The following CDH13 variants were observed in gnomAD, a reference collection of about 807,000 sequenced individuals.
CDH13 encodes cadherin 13.
In CDH13, 24 loss-of-function variants were observed where a neutral mutation model predicts 63.8. The observed-to-expected ratio is 0.38, with a 90% CI of 0.27 to 0.53. The LOEUF (loss-of-function observed/expected upper bound fraction) is 0.53. CDH13 is among the 20% of genes least tolerant of loss of function. The pLI, the probability that CDH13 is intolerant of heterozygous loss-of-function variation, is 0.85. For synonymous variants in CDH13, 503 were observed against 355.3 expected (o/e 1.42, Z -4.67); for missense variants, 1,049 against 903.1 (o/e 1.16, Z -2.07).
At chr16:83,129,873 T>A (rs2035975510) in intron 4 of CDH13, among the ~76,000 whole-genome samples, 1 of 152,218 alleles carries the variant, frequency 6.6e-6, no homozygotes, top group South Asian at 2.1e-4. Context: ...CTATATTATT[T>A]TTTGCATACT....
intron 2 of CDH13, among the ~76,000 whole-genome samples, chr16:83,006,977 G>A (rs981654679): frequency 1.5e-4 from 23 of 151,220 alleles, no homozygotes; most frequent in Non-Finnish European, 2.2e-4. Flanking sequence ...AGGCTGGAGT[G>A]CAATGGCATG....
At chr16:82,940,878 T>G (rs555844767) in intron 2 of CDH13, among the ~76,000 whole-genome samples, 1 of 152,304 alleles carries the variant, frequency 6.6e-6, no homozygotes, top group African/African-American at 2.4e-5. Context: ...TAGGGAAACA[T>G]TTATTCAGAT....
At chr16:82,747,442 G>A (rs906708991) in intron 1 of CDH13, among the ~76,000 whole-genome samples, 3 of 142,476 alleles carry the variant, frequency 2.1e-5, no homozygotes, top group Admixed American at 7.5e-5. Context: ...ATTATTTCAC[G>A]TATTGGCAGA....
intron 10 of CDH13, among the ~76,000 whole-genome samples, chr16:83,716,145 T>A (rs1199403066): frequency 6.6e-6 from 1 of 152,120 alleles, no homozygotes; most frequent in African/African-American, 2.4e-5. Flanking sequence ...CACAGCAAAA[T>A]TGAGCAGAAG....
chr16:83,277,475 G>C (rs1331045925), intron 5 of CDH13, among the ~76,000 whole-genome samples: 1 of 152,110 alleles, frequency 6.6e-6, no homozygotes, highest in African/African-American at 2.4e-5. Context: ...TCCTACAAAG[G>C]CTTTAAAAGG....
At chr16:83,206,109 A>C (rs986116792) in intron 4 of CDH13, among the ~76,000 whole-genome samples, 1 of 152,140 alleles carries the variant, frequency 6.6e-6, no homozygotes, top group African/African-American at 2.4e-5. Context: ...TACATGGCCT[A>C]TGGGTCCTAT....
At chr16:83,412,834 C>G (rs1383824391) in intron 6 of CDH13, among the ~76,000 whole-genome samples, 2 of 152,212 alleles carry the variant, frequency 1.3e-5, no homozygotes, top group African/African-American at 4.8e-5. Context: ...AGGGCAAGAA[C>G]TGCAGCTTTG....
intron 2 of CDH13, among the ~76,000 whole-genome samples, chr16:82,924,714 T>C (rs1567666022): frequency 6.6e-6 from 1 of 152,182 alleles, no homozygotes; most frequent in Non-Finnish European, 1.5e-5. Flanking sequence ...GCACCACCTC[T>C]TCTAGGTCAC....
chr16:83,779,034 G>T (rs1373109314), intron 11 of CDH13, among the ~76,000 whole-genome samples: 4 of 152,216 alleles, frequency 2.6e-5, no homozygotes, highest in Non-Finnish European at 5.9e-5. Flanking sequence ...ATAGATTTCA[G>T]TGTGTGAGAA....
intron 5 of CDH13, among the ~76,000 whole-genome samples, chr16:83,326,339 A>C (rs187134269): frequency 5.0e-4 from 76 of 152,124 alleles, no homozygotes; most frequent in African/African-American, 1.7e-3. Flanking sequence ...ATATTCTTTA[A>C]GGGGTAGCAT....
chr16:83,194,180 T>C (rs2038807399), intron 4 of CDH13, among the ~76,000 whole-genome samples: 1 of 152,230 alleles, frequency 6.6e-6, no homozygotes, highest in African/African-American at 2.4e-5. Flanking sequence ...CCTTGGGCTT[T>C]CCTTTCTTCT....
At chr16:83,236,438 C>T (rs1346925135) in intron 5 of CDH13, among the ~76,000 whole-genome samples, 1 of 152,106 alleles carries the variant, frequency 6.6e-6, no homozygotes, top group East Asian at 1.9e-4. Context: ...TAATAACATC[C>T]TATAAGAAAA....
chr16:82,992,709 A>G (rs11150530), intron 2 of CDH13, among the ~76,000 whole-genome samples: 2 of 152,092 alleles, frequency 1.3e-5, no homozygotes, highest in African/African-American at 2.4e-5. Context: ...ATACAAAAAA[A>G]AGTTACTATG....
chr16:83,462,081 A>G (rs2073196386), intron 6 of CDH13, among the ~76,000 whole-genome samples: 2 of 152,218 alleles, frequency 1.3e-5, no homozygotes, highest in Admixed American at 6.5e-5. Flanking sequence ...AAACTTGGAA[A>G]TCGTTTTAAC....
At chr16:83,250,798 G>C (rs1266723930) in intron 5 of CDH13, among the ~76,000 whole-genome samples, 1 of 152,198 alleles carries the variant, frequency 6.6e-6, no homozygotes, top group Non-Finnish European at 1.5e-5. Flanking sequence ...GCAGGATACA[G>C]ACTTTCCCAT....
intron 5 of CDH13, among the ~76,000 whole-genome samples, chr16:83,220,471 C>A (rs1338638149): frequency 6.6e-6 from 1 of 152,148 alleles, no homozygotes; most frequent in Non-Finnish European, 1.5e-5. Context: ...GTCTCCAAAT[C>A]CTCACATTTT....
intron 1 of CDH13, among the ~76,000 whole-genome samples, chr16:82,768,744 C>G (rs889796024): frequency 2.6e-5 from 4 of 152,226 alleles, no homozygotes; most frequent in African/African-American, 9.6e-5. Context: ...TCAGCAGCCA[C>G]TGAACATCAG....
rs534337508 is a variant in CDH13 at position 83,363,587 on chromosome 16, A to T, written c.781+18581A>T. 6.0e-4 allele frequency among the ~76,000 whole-genome samples: 92 copies of T among 152,286 alleles called. 1 individual carries two copies. The highest frequency in any genetic ancestry group is 3.4e-3 in the Middle Eastern group (1 of 294). ...AAATGGTCAATTGGTTAAATAAGAG[A>T]AGGAATCAAAGTGAAACTGGCTTCT... On this transcript the variant is annotated intron_variant, in intron 6 of 13. Coordinates refer to ENST00000567109, the MANE Select transcript of CDH13 (RefSeq NM_001257.5).
intron 4 of CDH13, among the ~76,000 whole-genome samples, chr16:83,213,356 A>C (rs972927697): frequency 6.6e-6 from 1 of 152,142 alleles, no homozygotes; most frequent in Non-Finnish European, 1.5e-5. Flanking sequence ...TTCTGTGCCG[A>C]GTGGCAGGCA....
Sources: allele counts gnomAD v4.1 joint callset (sites outside exome capture counted in the v4.1 genomes callset), GRCh38; gene constraint gnomAD v4.1.1; transcripts MANE v1.5; gene names NCBI Gene and HGNC (gene_info 2026-07-23, HGNC 2026-07-21).